Variants in TGFBRAP1 observed in about 807,000 individuals in gnomAD.
TGFBRAP1 encodes transforming growth factor beta receptor associated protein 1.
Under a neutral mutation model 83.2 loss-of-function variants are expected in TGFBRAP1, and 20 were observed. The ratio of observed to expected loss-of-function variants is 0.24; its 90% CI spans 0.17 to 0.35. TGFBRAP1 has a LOEUF of 0.35. Among genes scored for constraint, TGFBRAP1 ranks in the 10% least tolerant of loss-of-function variants. TGFBRAP1 has a pLI of 1.00. For missense variants in TGFBRAP1, 950 were observed against 1,099.4 expected, an observed-to-expected ratio of 0.86 and a Z score of 1.92; for synonymous variants, 415 against 459.8, an observed-to-expected ratio of 0.90 and a Z score of 1.25.
At chr2:105,320,706 T>C (rs1679031152) in intron 1 of TGFBRAP1, among the ~76,000 whole-genome samples, 1 of 152,194 alleles carries the variant, frequency 6.6e-6, no homozygotes, top group Admixed American at 6.5e-5. Context: ...TGTTCCATAA[T>C]ATCAGTCTCT....
In TGFBRAP1 at chr2:105,323,813, G is replaced by A. The variant is rs529436848; in HGVS notation, c.-18+5812C>T. Among the ~76,000 whole-genome samples the A allele has an allele frequency of 3.3e-5, 5 of 152,268 alleles. No homozygotes were observed. The East Asian group carries it at 7.8e-4, about 24-fold the overall frequency. The stretch of plus-strand genomic sequence containing the variant: ...CCCATCTGAAAAATGCATTTTGGTA[G>A]GTTTACGGGTTGACTTAAAGTCTTG... On this transcript the variant is annotated intron_variant, in intron 1 of 11. Transcript: ENST00000393359.
At chr2:105,262,267 C>T (rs1676806435), downstream of TGFBRAP1, among the ~76,000 whole-genome samples, 1 of 152,106 alleles carries the variant, frequency 6.6e-6, no homozygotes. Flanking sequence ...AACCCGGGGA[C>T]GAATCCCTCA....
At chr2:105,273,721 G>T in intron 8 of TGFBRAP1, 31 bp from the exon 9 acceptor site, 1 of 1,606,178 alleles carries the variant, frequency 6.2e-7, no homozygotes, top group Non-Finnish European at 8.5e-7. Context: ...CAGTGACTGT[G>T]CTTCCCAAAC....
intron 4 of TGFBRAP1, among the ~76,000 whole-genome samples, chr2:105,290,898 C>T (rs533409689): frequency 3.6e-4 from 55 of 152,006 alleles, no homozygotes; most frequent in Admixed American, 1.2e-3. Flanking sequence ...CCCAACTACT[C>T]GGGAGGCTGA....
downstream of TGFBRAP1, among the ~76,000 whole-genome samples, chr2:105,262,286 C>T (rs928191267): frequency 2.0e-5 from 3 of 152,142 alleles, no homozygotes; most frequent in Admixed American, 2.0e-4. Context: ...CACGAATTAC[C>T]TCCCCGTGGT....
In TGFBRAP1 at chr2:105,280,784, A is replaced by ATAGGC. The variant is rs1677511977; in HGVS notation, c.1122-62_1122-61insGCCTA. 25 of 1,519,988 alleles carry ATAGGC rather than the reference A, an allele frequency of 1.6e-5. No homozygotes were observed. The South Asian group carries it at 2.9e-4, about 18-fold the overall frequency. 94.2% of individuals were successfully genotyped at this position (1,519,988 alleles called of 1,614,324 possible). A position where few individuals can be genotyped will look rare whatever the true frequency, so the allele number is the denominator to read the frequency against. The stretch of plus-strand genomic sequence containing the variant: ...GAGAGAAGAGTACACATAGGCACAC[A>ATAGGC]AAACAGCACTGGAGGGGAGCGCACG... On this transcript the variant is annotated intron_variant, in intron 5 of 11. Coordinates refer to ENST00000393359, the MANE Select transcript of TGFBRAP1 (RefSeq NM_004257.6).
chr2:105,284,271 G>A (rs762745041), intron 5 of TGFBRAP1, 45 bp downstream of exon 5: 43 of 1,576,070 alleles, frequency 2.7e-5, no homozygotes, highest in Non-Finnish European at 3.6e-5. Context: ...TCTGGCCACA[G>A]AGGGACACTG....
chr2:105,252,682 T>G, the TGFBRAP1 span, among the ~76,000 whole-genome samples: 1 of 152,154 alleles, frequency 6.6e-6, no homozygotes, highest in Non-Finnish European at 1.5e-5. Context: ...TCTTCTCTGG[T>G]TTCCTTCTCC....
intron 4 of TGFBRAP1, among the ~76,000 whole-genome samples, chr2:105,293,770 A>G (rs180912279): frequency 1.1e-3 from 163 of 152,290 alleles, no homozygotes; most frequent in African/African-American, 3.7e-3. Flanking sequence ...ATTATATCAC[A>G]GCTCTGCTGG....
At chr2:105,261,875 T>C (rs1676795716), downstream of TGFBRAP1, among the ~76,000 whole-genome samples, 1 of 152,058 alleles carries the variant, frequency 6.6e-6, no homozygotes, top group Non-Finnish European at 1.5e-5. Context: ...GGAACCGGGA[T>C]TGAGGAGTAG....
chr2:105,319,930 T>C (rs1679006581), intron 1 of TGFBRAP1, among the ~76,000 whole-genome samples: 3 of 151,662 alleles, frequency 2.0e-5, no homozygotes, highest in Admixed American at 2.0e-4. Flanking sequence ...ATACATGTTA[T>C]ATACACACAT....
chr2:105,315,851 C>A (rs1678837913), intron 1 of TGFBRAP1, among the ~76,000 whole-genome samples: 1 of 152,122 alleles, frequency 6.6e-6, no homozygotes, highest in Non-Finnish European at 1.5e-5. Context: ...ATTTCCATTT[C>A]TCTTGGGTAT....
intron 11 of TGFBRAP1, 108 bp from the exon 12 acceptor site, chr2:105,267,667 T>C (rs1030946202): frequency 2.0e-6 from 3 of 1,513,042 alleles, no homozygotes; most frequent in African/African-American, 1.4e-5. Flanking sequence ...GGGTTATTAT[T>C]ATGATGAGGA....
chr2:105,322,713 G>GTA (rs1430751985), intron 1 of TGFBRAP1, among the ~76,000 whole-genome samples: 2 of 152,178 alleles, frequency 1.3e-5, no homozygotes, highest in East Asian at 3.8e-4. Flanking sequence ...CTATACAGGT[G>GTA]TATAATACAC....
At position 105,269,159 on chromosome 2, in the gene TGFBRAP1, G is replaced by T; in HGVS notation, c.2406+113C>A. On this transcript the variant is annotated intron_variant, in intron 11 of 11. Coordinates refer to ENST00000393359, the MANE Select transcript of TGFBRAP1 (RefSeq NM_004257.6). This position sits in a 1 kb window ranked among gnomAD's most constrained non-coding sequence, Gnocchi z 4.1. ...TAGGATCAGATATTGATGTGTTGTA[G>T]TCATAGAGACAGAAAAAAGAAAAAC... 1.5e-6 allele frequency: 2 copies of T among 1,303,592 alleles called. No individual in the cohort carries two copies. The highest frequency in any genetic ancestry group is 2.1e-6 in the Non-Finnish European group (2 of 975,268). 80.8% of individuals were successfully genotyped at this position (1,303,592 alleles called of 1,614,324 possible).
intron 1 of TGFBRAP1, among the ~76,000 whole-genome samples, chr2:105,321,270 G>T (rs1377160362): frequency 6.6e-6 from 1 of 151,954 alleles, no homozygotes; most frequent in East Asian, 1.9e-4. Flanking sequence ...AGGTTCAAGT[G>T]CTTCTCCTGT....
chr2:105,285,634 C>T (rs1351647409), intron 4 of TGFBRAP1, among the ~76,000 whole-genome samples: 3 of 152,146 alleles, frequency 2.0e-5, no homozygotes, highest in Non-Finnish European at 4.4e-5. Flanking sequence ...CCTGTTCTCT[C>T]AAATTACCTT....
rs1676967086 is a variant in TGFBRAP1 at position 105,267,134 on chromosome 2, TTGTA to T, written c.*245_*248del. 1 of 502,470 alleles carries T rather than the reference TTGTA, an allele frequency of 2.0e-6. No individual in the cohort carries two copies. Among genetic ancestry groups the T allele is most frequent in the African/African-American group, 1.9e-5 (1 of 51,394 alleles). The allele number at this position is 502,470 out of a possible 1,614,324, so 31.1% of individuals were successfully genotyped here. On this transcript the variant is annotated 3_prime_UTR_variant, in exon 12 of 12. Coordinates refer to ENST00000393359, the MANE Select transcript of TGFBRAP1 (RefSeq NM_004257.6). ...ACTATGTACCTGGACAGGTGAACTC[TTGTA>T]TGTTTCTGTTTTGGGGATTTTTAGG...
intron 4 of TGFBRAP1, 127 bp downstream of exon 4, chr2:105,296,229 A>T: frequency 8.4e-7 from 1 of 1,187,468 alleles, no homozygotes; most frequent in Non-Finnish European, 1.2e-6. Context: ...TGAGAAAATT[A>T]AACAACAGAT....
Sources: allele counts gnomAD v4.1 joint callset (sites outside exome capture counted in the v4.1 genomes callset), GRCh38; gene constraint gnomAD v4.1.1; non-coding constraint Gnocchi (gnomAD v3.1); transcripts MANE v1.5; gene names NCBI Gene and HGNC (gene_info 2026-07-23, HGNC 2026-07-21).